NDRG4: variants seen among roughly 807,000 people sequenced by gnomAD.
NDRG4 encodes the protein protein NDRG4.
In NDRG4, 38 loss-of-function variants were observed where a neutral mutation model predicts 55.8. The ratio of observed to expected loss-of-function variants is 0.68; its 90% CI spans 0.53 to 0.89. The LOEUF (loss-of-function observed/expected upper bound fraction) is 0.89. Among genes scored for constraint, NDRG4 ranks in the 40% least tolerant of loss-of-function variants. The pLI, the probability that NDRG4 is intolerant of heterozygous loss-of-function variation, is 0.00. For synonymous variants in NDRG4, 190 were observed against 182.7 expected (o/e 1.04, Z -0.32); for missense variants, 455 against 468.6 (o/e 0.97, Z 0.27).
chr16:58,465,004 G>T (rs538556292), intron 1 of NDRG4: 1 of 1,233,410 alleles, frequency 8.1e-7, no homozygotes, highest in East Asian at 5.7e-5. Flanking sequence ...GTGATCAGTT[G>T]CCCTGCTGGA....
In NDRG4 at chr16:58,511,451, CGCTCCCGCACTGCAT is replaced by C. The variant is rs1253375126; in HGVS notation, c.935_949del (p.Arg312_Ser317delinsPro). The C allele has an allele frequency of 6.2e-7, 1 of 1,609,996 alleles. No homozygotes were observed. The highest frequency in any genetic ancestry group is 8.5e-7 in the Non-Finnish European group (1 of 1,177,976). On this transcript the variant is annotated inframe_deletion, in exon 15 of 15. Coordinates refer to ENST00000570248, the MANE Select transcript of NDRG4 (RefSeq NM_001242835.2). ...CTCAGCCAGCATGACCCGCCTGGCA[CGCTCCCGCACTGCAT>C]CCCTCACCAGTGCCAGCTCGGTGGA...
intron 14 of NDRG4, 132 bp from the exon 15 acceptor site, chr16:58,511,290 C>G: frequency 9.4e-7 from 1 of 1,069,448 alleles, no homozygotes; most frequent in Non-Finnish European, 1.3e-6. Flanking sequence ...TCGCCAGCCT[C>G]CTGACTCAGG....
chr16:58,477,458 A>C (rs1295476615), intron 1 of NDRG4, among the ~76,000 whole-genome samples: 1 of 152,148 alleles, frequency 6.6e-6, no homozygotes, highest in Admixed American at 6.6e-5. Flanking sequence ...GAGCCACCTT[A>C]AGGGAACTCC....
chr16:58,464,341 G>T lies in NDRG4; in HGVS notation c.-24+544G>T, dbSNP rs938138636. 32 of 1,200,712 alleles carry T rather than the reference G, an allele frequency of 2.7e-5. No individual in the cohort carries two copies. The highest frequency in any genetic ancestry group is 8.1e-5 in the Admixed American group (2 of 24,782). The allele number at this position is 1,200,712 out of a possible 1,614,324, so 74.4% of individuals were successfully genotyped here. A position where few individuals can be genotyped will look rare whatever the true frequency, so the allele number is the denominator to read the frequency against. On this transcript the variant is annotated intron_variant, in intron 1 of 15. Coordinates refer to the NDRG4 transcript ENST00000258187. The surrounding 1 kb of genome is among the most constrained non-coding windows in gnomAD (Gnocchi z 4.8). ...TCGCTCCGCGCTCTCCTGCCGCTCC[G>T]CTCCGGGTCTCCCGCGCTCCTCTCC...
Position 58,512,030 on chromosome 16 carries a change from C to T in NDRG4, c.*454C>T. 2 of 458,746 alleles carry T rather than the reference C, an allele frequency of 4.4e-6. No individual in the cohort carries two copies. The highest frequency in any genetic ancestry group is 1.5e-5 in the South Asian group (1 of 64,590). The allele number at this position is 458,746 out of a possible 1,614,324, so 28.4% of individuals were successfully genotyped here. A position where few individuals can be genotyped will look rare whatever the true frequency, so the allele number is the denominator to read the frequency against. On this transcript the variant is annotated 3_prime_UTR_variant, in exon 15 of 15. Coordinates refer to ENST00000570248, the MANE Select transcript of NDRG4 (RefSeq NM_001242835.2). ...TTCCCCCACCCTCCACCAAGCACACCTGTTTCTGTCTCATAGCACATGTGA... is the reference window on the plus strand; with the variant it reads ...TTCCCCCACCCTCCACCAAGCACACTTGTTTCTGTCTCATAGCACATGTGA...
upstream of NDRG4, chr16:58,496,954 A>C (rs940681194): frequency 6.6e-6 from 1 of 152,314 alleles, no homozygotes; most frequent in Non-Finnish European, 1.5e-5. Flanking sequence ...TGATACAGAG[A>C]AGATGAGCAC....
At chr16:58,470,309 G>T (rs2032524417) in intron 1 of NDRG4, among the ~76,000 whole-genome samples, 1 of 152,224 alleles carries the variant, frequency 6.6e-6, no homozygotes, top group Non-Finnish European at 1.5e-5. Flanking sequence ...GAGTCCAGTG[G>T]ACAGAGAGGA....
rs557513772 is a variant in NDRG4, at chr16:58,488,847, A to G, written c.72+997A>G. 1.9e-4 allele frequency among the ~76,000 whole-genome samples: 29 copies of G among 152,282 alleles called. 1 individual carries two copies. In the South Asian group the frequency reaches 6.0e-3, roughly 32 times the overall value. ...GGCTTATCCGAGGGCAGCCACGGAT[A>G]AGCTGCCCTGGTGGGGTGGTGACTG... On this transcript the variant is annotated intron_variant, in intron 2 of 15. Coordinates refer to the NDRG4 transcript ENST00000258187.
intron 1 of NDRG4, among the ~76,000 whole-genome samples, chr16:58,484,735 A>G (rs1597146380): frequency 6.6e-6 from 1 of 152,296 alleles, no homozygotes; most frequent in East Asian, 1.9e-4. Context: ...ATGGAAGGGA[A>G]AGAGCCATTG....
At chr16:58,496,354 G>A (rs900535723), upstream of NDRG4, among the ~76,000 whole-genome samples, 2 of 152,092 alleles carry the variant, frequency 1.3e-5, no homozygotes, top group Non-Finnish European at 2.9e-5. Flanking sequence ...CTTGGTAAAA[G>A]GCAGGTTGCA....
intron 14 of NDRG4, 88 bp downstream of exon 14, chr16:58,510,771 C>T (rs1420276627): frequency 9.6e-6 from 12 of 1,255,702 alleles, no homozygotes; most frequent in African/African-American, 4.4e-5. Context: ...GCAGCCAGGC[C>T]GCATCTTGCT....
At chr16:58,497,479 G>A (rs75853517), upstream of NDRG4, among the ~76,000 whole-genome samples, 197 of 152,270 alleles carry the variant, frequency 1.3e-3, 1 homozygote, top group East Asian at 0.012. Flanking sequence ...AGTAGCTGCC[G>A]CTGCTTACTA....
chr16:58,470,814 G>A (rs2032623801), intron 1 of NDRG4, among the ~76,000 whole-genome samples: 1 of 151,356 alleles, frequency 6.6e-6, no homozygotes, highest in African/African-American at 2.4e-5. Flanking sequence ...GGCTGAGGCA[G>A]GAGGATCGCT....
intron 1 of NDRG4, among the ~76,000 whole-genome samples, chr16:58,480,744 G>A (rs181078235): frequency 3.9e-5 from 6 of 152,258 alleles, no homozygotes; most frequent in South Asian, 2.1e-4. Context: ...CTGTCCTCTG[G>A]GAGATGACAG....
chr16:58,493,914 C>T (rs746639756), intron 2 of NDRG4, among the ~76,000 whole-genome samples: 26 of 152,156 alleles, frequency 1.7e-4, no homozygotes, highest in Non-Finnish European at 2.9e-4. Flanking sequence ...GTGGGTGAGT[C>T]GCACAGCCAG....
rs752381554 is a variant in NDRG4, at chr16:58,503,711, A to G, written c.22-87A>G. ...AAGTAGGGGCTCTACCACAGGCCTAACAGGTACCAGGCTGCGTCACCTCAT... is the reference window on the plus strand; with the variant it reads ...AAGTAGGGGCTCTACCACAGGCCTAGCAGGTACCAGGCTGCGTCACCTCAT... On this transcript the variant is annotated intron_variant, in intron 1 of 14. Coordinates refer to ENST00000570248, the MANE Select transcript of NDRG4 (RefSeq NM_001242835.2). 3 of 1,582,128 alleles carry G rather than the reference A, an allele frequency of 1.9e-6. No individual in the cohort carries two copies. In the South Asian group the frequency reaches 3.4e-5, roughly 18 times the overall value.
chr16:58,468,510 C>T (rs1434637724), intron 1 of NDRG4, among the ~76,000 whole-genome samples: 3 of 152,196 alleles, frequency 2.0e-5, no homozygotes, highest in Non-Finnish European at 4.4e-5. Context: ...CACCTGAGGT[C>T]AGGAGTTCTA....
chr16:58,497,655 G>C, upstream of NDRG4, among the ~76,000 whole-genome samples: 1 of 152,324 alleles, frequency 6.6e-6, no homozygotes, highest in African/African-American at 2.4e-5. Context: ...ACTTCCCCAA[G>C]GTCACACAGC....
chr16:58,503,289 G>GC (rs2037398089), intron 1 of NDRG4, among the ~76,000 whole-genome samples: 1 of 152,156 alleles, frequency 6.6e-6, no homozygotes, highest in Admixed American at 6.5e-5. Context: ...AACCACATGC[G>GC]CAAGAGCCTT....
Sources: allele counts gnomAD v4.1 joint callset (sites outside exome capture counted in the v4.1 genomes callset), GRCh38; gene constraint gnomAD v4.1.1; non-coding constraint Gnocchi (gnomAD v3.1); transcripts MANE v1.5; gene names NCBI Gene and HGNC (gene_info 2026-07-23, HGNC 2026-07-21).